Variants in RECQL5 observed in about 807,000 individuals in gnomAD.
RECQL5 encodes the protein ATP-dependent DNA helicase Q5.
Under a neutral mutation model 103.4 loss-of-function variants are expected in RECQL5, and 88 were observed. That is an observed-to-expected ratio of 0.85 (90% CI 0.72 to 1.02). The LOEUF (loss-of-function observed/expected upper bound fraction) is 1.02. Ranked by LOEUF, RECQL5 falls within the 50% of genes least tolerant of loss-of-function variation. RECQL5 has a pLI of 0.00. For synonymous variants in RECQL5, 552 were observed against 507.9 expected (o/e 1.09, Z -1.17); for missense variants, 1,232 against 1,284.3 (o/e 0.96, Z 0.62).
chr17:75,640,073 C>T lies in RECQL5; in HGVS notation c.1230-8405G>A, dbSNP rs1361377808. The T allele has an allele frequency of 1.2e-5, 16 of 1,312,074 alleles. No homozygotes were observed. The highest frequency in any genetic ancestry group is 6.0e-5 in the African/African-American group (4 of 66,978). 81.3% of individuals were successfully genotyped at this position (1,312,074 alleles called of 1,614,324 possible). ...TGTGAGACCTGACAAACTTGTTCTGCGGGCTGCGGATGGGTGCGAGGGTGG... is the reference window on the plus strand; with the variant it reads ...TGTGAGACCTGACAAACTTGTTCTGTGGGCTGCGGATGGGTGCGAGGGTGG... On this transcript the variant is annotated intron_variant, in intron 8 of 19. Transcript: ENST00000317905. The surrounding 1 kb of genome is among the most constrained non-coding windows in gnomAD (Gnocchi z 4.6).
chr17:75,659,474 G>A (rs971680599), intron 6 of RECQL5, among the ~76,000 whole-genome samples: 4 of 151,990 alleles, frequency 2.6e-5, no homozygotes, highest in South Asian at 4.1e-4. Context: ...CTTCCACCTC[G>A]GCTTCCCAAG....
At chr17:75,647,627 T>G (rs770453055) in intron 8 of RECQL5, 4 of 1,494,772 alleles carry the variant, frequency 2.7e-6, no homozygotes, top group Non-Finnish European at 3.6e-6. Flanking sequence ...CCCATTCCAG[T>G]GGTGGGCCCC....
chr17:75,640,385 C>G lies in RECQL5; in HGVS notation c.1230-8717G>C. The stretch of plus-strand genomic sequence containing the variant: ...TCCCTGGCATCTGGGAGAGACCACA[C>G]CATGGTGCCAGCCAGAGGGCTGGCA... On this transcript the variant is annotated intron_variant, in intron 8 of 19. Transcript: ENST00000317905. This position sits in a 1 kb window ranked among gnomAD's most constrained non-coding sequence, Gnocchi z 4.6. 1 of 1,475,042 alleles carries G rather than the reference C, an allele frequency of 6.8e-7. No homozygotes were observed. Among genetic ancestry groups the G allele is most frequent in the African/African-American group, 1.4e-5 (1 of 70,594 alleles). 91.4% of individuals were successfully genotyped at this position (1,475,042 alleles called of 1,614,324 possible).
intron 8 of RECQL5, among the ~76,000 whole-genome samples, chr17:75,646,042 A>G (rs952783827): frequency 6.6e-6 from 1 of 152,220 alleles, no homozygotes; most frequent in African/African-American, 2.4e-5. Flanking sequence ...TATGGTGGCC[A>G]CTAGGTTTCA....
intron 8 of RECQL5, among the ~76,000 whole-genome samples, chr17:75,645,114 T>C (rs1380700409): frequency 2.6e-5 from 4 of 152,194 alleles, no homozygotes; most frequent in Non-Finnish European, 5.9e-5. Context: ...TTGGTTTCTT[T>C]AAAGCAGAAC....
At chr17:75,651,783 C>T (rs966693286) in intron 7 of RECQL5, among the ~76,000 whole-genome samples, 10 of 152,112 alleles carry the variant, frequency 6.6e-5, no homozygotes, top group African/African-American at 2.4e-4. Context: ...GGCCCACAGA[C>T]TGGCATTTAG....
At chr17:75,659,647 C>T (rs915788347) in intron 6 of RECQL5, among the ~76,000 whole-genome samples, 1 of 152,172 alleles carries the variant, frequency 6.6e-6, no homozygotes, top group African/African-American at 2.4e-5. Context: ...AACCACTACA[C>T]CTGGCAGCAT....
chr17:75,653,382 A>G (rs140820179), intron 7 of RECQL5, among the ~76,000 whole-genome samples: 1 of 152,288 alleles, frequency 6.6e-6, no homozygotes, highest in South Asian at 2.1e-4. Context: ...CCATTCCTGG[A>G]GGTAATTCCC....
Position 75,640,253 on chromosome 17 carries a change from C to T in RECQL5, c.1230-8585G>A. ...GATGCGCGCCGTGGGCGAGAGGCTGCTGCTCAAGCTGCAGAGACTGCCCCA... is the reference window on the plus strand; with the variant it reads ...GATGCGCGCCGTGGGCGAGAGGCTGTTGCTCAAGCTGCAGAGACTGCCCCA... On this transcript the variant is annotated intron_variant, in intron 8 of 19. Coordinates refer to ENST00000317905, the MANE Select transcript of RECQL5 (RefSeq NM_004259.7). The surrounding 1 kb of genome is among the most constrained non-coding windows in gnomAD (Gnocchi z 4.6). 1 of 1,551,418 alleles carries T rather than the reference C, an allele frequency of 6.4e-7. No homozygotes were observed. Among genetic ancestry groups the T allele is most frequent in the African/African-American group, 1.4e-5 (1 of 73,172 alleles).
chr17:75,658,157 C>A, intron 7 of RECQL5, 141 bp downstream of exon 7: 3 of 733,628 alleles, frequency 4.1e-6, no homozygotes, highest in Non-Finnish European at 4.2e-6. Context: ...CTAACCAATA[C>A]GCCATTTCCC....
chr17:75,659,820 C>A (rs2059675732), intron 6 of RECQL5, among the ~76,000 whole-genome samples: 1 of 152,152 alleles, frequency 6.6e-6, no homozygotes, highest in Admixed American at 6.5e-5. Flanking sequence ...TTAATCAGAC[C>A]AAAGGGCTTC....
intron 8 of RECQL5, among the ~76,000 whole-genome samples, chr17:75,632,913 T>C (rs954092154): frequency 6.6e-6 from 1 of 152,204 alleles, no homozygotes; most frequent in Non-Finnish European, 1.5e-5. Flanking sequence ...CTCCTCCCAG[T>C]GTGAGCACTG....
intron 7 of RECQL5, 56 bp downstream of exon 7, chr17:75,658,242 A>C: frequency 6.4e-7 from 1 of 1,560,852 alleles, no homozygotes; most frequent in South Asian, 1.2e-5. Context: ...AATCAGCTTC[A>C]CAAAACTGGA....
At chr17:75,665,848 T>C (rs974369078) in intron 2 of RECQL5, among the ~76,000 whole-genome samples, 6 of 152,244 alleles carry the variant, frequency 3.9e-5, no homozygotes, top group Non-Finnish European at 5.9e-5. Context: ...GTATCATTAA[T>C]ATTACATTGC....
At chr17:75,634,917 G>A (rs901479009) in intron 8 of RECQL5, among the ~76,000 whole-genome samples, 1 of 152,210 alleles carries the variant, frequency 6.6e-6, no homozygotes, top group Non-Finnish European at 1.5e-5. Context: ...CTGTGCCACC[G>A]TGATGCACAG....
intron 3 of RECQL5, among the ~76,000 whole-genome samples, chr17:75,664,288 G>A (rs900874357): frequency 5.9e-5 from 9 of 152,140 alleles, no homozygotes; most frequent in African/African-American, 2.2e-4. Context: ...TAAGGTCCCA[G>A]ACAGTTTCTC....
At chr17:75,651,354 G>A in intron 7 of RECQL5, 89 bp from the exon 8 acceptor site, 1 of 1,462,920 alleles carries the variant, frequency 6.8e-7, no homozygotes. Context: ...GAGTGCGGTG[G>A]CTCACGGCTG....
At position 75,633,740 on chromosome 17, in the gene RECQL5, G is replaced by A. The variant is rs961407171; in HGVS notation, c.1230-2072C>T. 121 of 1,066,194 alleles carry A rather than the reference G, an allele frequency of 1.1e-4. No individual in the cohort carries two copies. The Middle Eastern group carries it at 1.5e-3, about 13-fold the overall frequency. The allele number at this position is 1,066,194 out of a possible 1,614,324, so 66.0% of individuals were successfully genotyped here. On this transcript the variant is annotated intron_variant, in intron 8 of 19. Transcript: ENST00000317905. ...GGGTGGGTGCCCCAGACCTGAGAGCGCTGCAGGACTCCCCTCCACAGGCTC... is the reference window on the plus strand; with the variant it reads ...GGGTGGGTGCCCCAGACCTGAGAGCACTGCAGGACTCCCCTCCACAGGCTC...
chr17:75,664,994 T>A, intron 3 of RECQL5, 57 bp downstream of exon 3: 1 of 1,455,820 alleles, frequency 6.9e-7, no homozygotes. Flanking sequence ...ATTTCCAGCC[T>A]CAAAAAACCT....
Sources: allele counts gnomAD v4.1 joint callset (sites outside exome capture counted in the v4.1 genomes callset), GRCh38; gene constraint gnomAD v4.1.1; non-coding constraint Gnocchi (gnomAD v3.1); transcripts MANE v1.5; gene names NCBI Gene and HGNC (gene_info 2026-07-23, HGNC 2026-07-21).